The following RANBP2 variants were observed in gnomAD, a reference collection of about 807,000 sequenced individuals.
RANBP2 encodes the protein E3 SUMO-protein ligase RanBP2.
RANBP2 carries 57 observed loss-of-function variants against 303.6 expected under a neutral mutation model. That is an observed-to-expected ratio of 0.19 (90% CI 0.15 to 0.23). The LOEUF is 0.23. Ranked by LOEUF, RANBP2 falls within the 10% of genes least tolerant of loss-of-function variation. The pLI is 1.00. For missense variants in RANBP2, 3,138 were observed against 3,780.8 expected (o/e 0.83, Z 4.46); for synonymous variants, 1,167 against 1,301.5 (o/e 0.90, Z 2.23).
chr2:108,740,521 T>G lies in RANBP2; in HGVS notation c.815T>G (p.Leu272Trp), dbSNP rs1225518998. 6.3e-7 allele frequency: 1 copy of G among 1,597,576 alleles called. No homozygotes were observed. The highest frequency in any genetic ancestry group is 2.2e-5 in the East Asian group (1 of 44,864). The part of the protein sequence containing the change: ...FDSALQSVKS[L>W]GGNDELSATF... ...AGTGCTCTTCAGTCTGTGAAATCTT[T>G]GGGTGGAAATGATGAACTGTCAGCT... The change falls in exon 7 of 29, where the codon TTG (leucine) becomes TGG (tryptophan). Residue 272 changes from leucine to tryptophan, a missense_variant. By Grantham distance (61) the Leu-to-Trp change is moderately conservative. This residue lies in a region of RANBP2 where 306 missense variants were observed against 381.9 expected (regional missense o/e 0.80). Coordinates refer to ENST00000283195, the MANE Select transcript of RANBP2 (RefSeq NM_006267.5).
the RANBP2 span, among the ~76,000 whole-genome samples, chr2:109,642,004 T>C: frequency 6.6e-6 from 1 of 152,040 alleles, no homozygotes; most frequent in Non-Finnish European, 1.5e-5. Flanking sequence ...CGGGGTTTCA[T>C]CATGTTGACC....
At chr2:109,726,522 G>A in the RANBP2 span, among the ~76,000 whole-genome samples, 5 of 152,054 alleles carry the variant, frequency 3.3e-5, no homozygotes, top group African/African-American at 4.8e-5. Flanking sequence ...ATACAGGCAG[G>A]GTCCGTGTCG....
rs1292438820 is a variant in RANBP2, at chr2:108,782,332, A to G, written c.8965A>G (p.Lys2989Glu). Residue 2989 changes from lysine to glutamate, a missense_variant, in exon 27 of 29, where the codon AAA becomes GAA. Transcript: ENST00000283195. ...AGTGTGTGCAAACCACGTTATTACTAAAACAATGGAATTAAAGCCCTTAAA... is the reference window on the plus strand; with the variant it reads ...AGTGTGTGCAAACCACGTTATTACTGAAACAATGGAATTAAAGCCCTTAAA... The part of the protein sequence containing the change: ...FKVCANHVIT[K>E]TMELKPLNVS... The G allele has an allele frequency of 6.2e-7, 1 of 1,614,204 alleles. No homozygotes were observed. The highest frequency in any genetic ancestry group is 1.3e-5 in the African/African-American group (1 of 75,062).
the RANBP2 span, among the ~76,000 whole-genome samples, chr2:109,603,195 T>A: frequency 6.6e-6 from 1 of 152,086 alleles, no homozygotes; most frequent in African/African-American, 2.4e-5. Flanking sequence ...GTTTTTCACT[T>A]ACTCCACAAA....
chr2:108,898,419 A>C, the RANBP2 span, among the ~76,000 whole-genome samples: 1 of 152,154 alleles, frequency 6.6e-6, no homozygotes, highest in Non-Finnish European at 1.5e-5. Flanking sequence ...CCTTCACCCA[A>C]CAGTAGCAAG....
chr2:109,544,683 G>A, the RANBP2 span: 2 of 885,686 alleles, frequency 2.3e-6, no homozygotes, highest in South Asian at 5.2e-5. Context: ...AGATCCATTA[G>A]CTTTAAAATC....
the RANBP2 span, among the ~76,000 whole-genome samples, chr2:109,231,577 A>G: frequency 6.6e-6 from 1 of 152,184 alleles, no homozygotes; most frequent in African/African-American, 2.4e-5. Context: ...TTATTCCATG[A>G]TAAGCTACTT....
At chr2:108,985,666 C>T in the RANBP2 span, among the ~76,000 whole-genome samples, 1 of 152,210 alleles carries the variant, frequency 6.6e-6, no homozygotes, top group Non-Finnish European at 1.5e-5. Flanking sequence ...GGGGTCCAAA[C>T]AGTGTGTTTG....
At chr2:108,791,928 T>C in the RANBP2 span, 3 of 960,716 alleles carry the variant, frequency 3.1e-6, no homozygotes, top group African/African-American at 5.0e-5. Context: ...TGAACTTCTG[T>C]AAGCTAGGAG....
the RANBP2 span, among the ~76,000 whole-genome samples, chr2:109,049,564 G>A: frequency 2.0e-5 from 3 of 152,156 alleles, no homozygotes; most frequent in Non-Finnish European, 4.4e-5. Context: ...TTATTTCAGA[G>A]GATGCTTCTC....
chr2:109,448,895 TTGGCAAAGC>T, the RANBP2 span, among the ~76,000 whole-genome samples: 1 of 152,204 alleles, frequency 6.6e-6, no homozygotes, highest in Non-Finnish European at 1.5e-5. Flanking sequence ...CATGGCAACC[TTGGCAAAGC>T]TGTTTTAGCT....
the RANBP2 span, among the ~76,000 whole-genome samples, chr2:109,144,255 A>G: frequency 2.6e-5 from 4 of 152,228 alleles, no homozygotes; most frequent in African/African-American, 7.2e-5. Flanking sequence ...ACTGGAATGT[A>G]TATGTATATC....
chr2:109,391,590 G>A, the RANBP2 span, among the ~76,000 whole-genome samples: 31 of 152,212 alleles, frequency 2.0e-4, no homozygotes, highest in African/African-American at 2.2e-4. Flanking sequence ...GTGTGGCCAC[G>A]GCTTGTGGCC....
the RANBP2 span, among the ~76,000 whole-genome samples, chr2:109,597,324 G>A: frequency 3.3e-5 from 5 of 152,216 alleles, no homozygotes; most frequent in Non-Finnish European, 4.4e-5. Context: ...ACAGAGCTCT[G>A]TGTAGGGCTA....
At chr2:109,014,216 A>G in the RANBP2 span, among the ~76,000 whole-genome samples, 1 of 152,218 alleles carries the variant, frequency 6.6e-6, no homozygotes, top group East Asian at 1.9e-4. Flanking sequence ...GGGCTGCCCA[A>G]CAGCCATTAC....
rs1477595445 is a variant in RANBP2 at position 108,765,134 on chromosome 2, T to C, written c.4595T>C (p.Leu1532Pro). Residue 1532 changes from leucine (L) to proline (P), a missense_variant, in exon 20 of 29, where the codon CTA (leucine) becomes CCA (proline). This residue lies in a region of RANBP2 where 388 missense variants were observed against 328.5 expected (regional missense o/e 1.18). Transcript: ENST00000283195. ...KFGTSETSKT[L>P]KSGFEDMFAK... ...GGTACTTCAGAGACAAGTAAAACTC[T>C]AAAAAGTGGATTTGAAGACATGTTT... 3.7e-6 allele frequency: 6 copies of C among 1,613,990 alleles called. No homozygotes were observed. The highest frequency in any genetic ancestry group is 1.7e-5 in the Admixed American group (1 of 59,990).
chr2:108,987,356 C>T, the RANBP2 span, among the ~76,000 whole-genome samples: 2 of 152,182 alleles, frequency 1.3e-5, no homozygotes, highest in African/African-American at 2.4e-5. Flanking sequence ...TTTTGCGCTC[C>T]GTGAGATGGG....
chr2:109,538,598 C>A, the RANBP2 span, among the ~76,000 whole-genome samples: 1 of 152,218 alleles, frequency 6.6e-6, no homozygotes, highest in Non-Finnish European at 1.5e-5. Flanking sequence ...CTTACCACGG[C>A]GGCCTCTGCC....
chr2:109,589,725 T>C, the RANBP2 span, among the ~76,000 whole-genome samples: 2 of 149,048 alleles, frequency 1.3e-5, no homozygotes, highest in Non-Finnish European at 3.0e-5. Flanking sequence ...AAACACATAT[T>C]ATTATATAGC....
Sources: gnomAD v4.1 joint callset for allele counts (sites outside exome capture counted in the v4.1 genomes callset) on GRCh38, gnomAD v4.1.1 for gene constraint, gnomAD v4.1.1 regional missense constraint, MANE v1.5 for transcripts, NCBI Gene and HGNC (gene_info 2026-07-23, HGNC 2026-07-21) for gene names.